Variants in ADTRP observed in about 807,000 individuals in gnomAD.
The protein encoded by ADTRP is androgen-dependent TFPI-regulating protein.
In ADTRP, 20 loss-of-function variants were observed where a neutral mutation model predicts 27.0. The observed-to-expected ratio is 0.74, with a 90% CI of 0.52 to 1.08. The LOEUF is 1.08. ADTRP is among the 50% of genes least tolerant of loss of function. The pLI, the probability that ADTRP is intolerant of heterozygous loss-of-function variation, is 0.00. For missense variants in ADTRP, 251 were observed against 275.0 expected, an observed-to-expected ratio of 0.91 and a Z score of 0.62; for synonymous variants, 101 against 105.2, an observed-to-expected ratio of 0.96 and a Z score of 0.25.
intron 3 of ADTRP, among the ~76,000 whole-genome samples, chr6:11,757,676 G>T (rs563302750): frequency 5.9e-5 from 9 of 152,332 alleles, no homozygotes; most frequent in African/African-American, 2.2e-4. Flanking sequence ...CTGCAAGGAG[G>T]AAGAGGTAAA....
chr6:11,754,932 G>T, intron 3 of ADTRP: 3 of 761,220 alleles, frequency 3.9e-6, no homozygotes, highest in African/African-American at 1.9e-5. Flanking sequence ...TTTCACGTCT[G>T]TCTTGAGATC....
Position 11,778,737 on chromosome 6 carries a change from A to G in ADTRP, c.23T>C (p.Ile8Thr), listed in dbSNP as rs772987550. MTKTSTCIYHFLVLSWYT... is the reference protein window; with the variant it reads MTKTSTCTYHFLVLSWYT... ...CCAGCTCAGAACAAGGAAGTGGTAT[A>G]TGCATGTAGAAGTCTTCGTCATGGC... is the stretch of plus-strand genomic sequence containing the variant. Residue 8 changes from isoleucine (I) to threonine (T), a missense_variant, in exon 1 of 6, where the codon ATA becomes ACA. Physicochemically the swap from Ile to Thr is moderately conservative, Grantham distance 89. Coordinates refer to ENST00000414691, the MANE Select transcript of ADTRP (RefSeq NM_032744.4). 3 of 1,614,206 alleles carry G rather than the reference A, an allele frequency of 1.9e-6. No individual in the cohort carries two copies. The highest frequency in any genetic ancestry group is 1.6e-4 in the Middle Eastern group (1 of 6,062).
chr6:11,749,707 A>C (rs1219075533), intron 3 of ADTRP, among the ~76,000 whole-genome samples: 2 of 152,178 alleles, frequency 1.3e-5, no homozygotes, highest in East Asian at 3.9e-4. Flanking sequence ...GGGGGCAAAA[A>C]CAGGTGCCCA....
intron 3 of ADTRP, among the ~76,000 whole-genome samples, chr6:11,737,796 A>T (rs778776483): frequency 2.0e-5 from 3 of 151,964 alleles, no homozygotes; most frequent in Non-Finnish European, 4.4e-5. Context: ...GCTTTTACAT[A>T]ATTTGCTCAA....
rs199803690 is a variant in ADTRP, at chr6:11,735,664, A to T, written c.410T>A (p.Ile137Asn). The change falls in exon 4 of 6, where the codon ATC becomes AAC. Residue 137 changes from isoleucine to asparagine, a missense_variant. Coordinates refer to ENST00000414691, the MANE Select transcript of ADTRP (RefSeq NM_032744.4). The part of the protein sequence containing the change: ...NHAMHTFIFP[I>N]TLAEVVLRPH... ...CCTGAGGACGACTTCAGCCAATGTG[A>T]TGGGGAATATGAAAGTGTGCTGCAG... 47 of 1,613,448 alleles carry T rather than the reference A, an allele frequency of 2.9e-5. No homozygotes were observed. Among genetic ancestry groups the T allele is most frequent in the Admixed American group, 1.8e-4 (11 of 60,006 alleles).
intron 3 of ADTRP, among the ~76,000 whole-genome samples, chr6:11,763,405 AG>A (rs1442503033): frequency 6.6e-6 from 1 of 152,272 alleles, no homozygotes; most frequent in Non-Finnish European, 1.5e-5. Flanking sequence ...TAGCAAACAC[AG>A]GGAGTGTTGA....
intron 1 of ADTRP, chr6:11,769,971 A>AG: frequency 6.6e-7 from 1 of 1,519,152 alleles, no homozygotes. Flanking sequence ...CAACCTTACG[A>AG]GCCAAGTCCT....
intron 1 of ADTRP, among the ~76,000 whole-genome samples, chr6:11,770,878 C>T (rs1247996079): frequency 1.3e-5 from 2 of 152,178 alleles, no homozygotes; most frequent in African/African-American, 4.8e-5. Context: ...GAAGAGCAGG[C>T]ACAGGCTTGG....
intron 1 of ADTRP, among the ~76,000 whole-genome samples, chr6:11,774,475 T>A (rs181047842): frequency 1.5e-3 from 223 of 152,232 alleles, no homozygotes; most frequent in Non-Finnish European, 2.8e-3. Context: ...AGCTCCTCTG[T>A]TCCCCCAGCC....
chr6:11,760,011 C>T (rs1304081860), intron 3 of ADTRP, among the ~76,000 whole-genome samples: 1 of 152,174 alleles, frequency 6.6e-6, no homozygotes, highest in Non-Finnish European at 1.5e-5. Flanking sequence ...AGAACGAATG[C>T]CACTCTGCTG....
intron 1 of ADTRP, among the ~76,000 whole-genome samples, chr6:11,769,407 G>A (rs1265204698): frequency 1.3e-5 from 2 of 152,144 alleles, no homozygotes; most frequent in Admixed American, 6.6e-5. Flanking sequence ...TCAGCCACAT[G>A]CTGCTCCTGG....
At position 11,773,209 on chromosome 6, in the gene ADTRP, A is replaced by T. The variant is rs562969002; in HGVS notation, c.154-4826T>A. ...CTTTATCTGGAATTAGGAAAAGAAG[A>T]AGTGGAAGAAGATGATGAGGAGAAG... is the stretch of plus-strand genomic sequence containing the variant. On this transcript the variant is annotated intron_variant, in intron 1 of 5. Transcript: ENST00000414691. Among the ~76,000 whole-genome samples the T allele has an allele frequency of 3.3e-5, 5 of 152,264 alleles. No homozygotes were observed. In the South Asian group the frequency reaches 8.3e-4, roughly 25 times the overall value.
chr6:11,755,621 C>T lies in ADTRP; in HGVS notation c.390+10653G>A, dbSNP rs974591185. ...CTGCTTCCTCATCCCAGTTTAGCTT[C>T]TGATTTCACTGTGGCATTTAAGGCA... On this transcript the variant is annotated intron_variant, in intron 3 of 5. Coordinates refer to ENST00000414691, the MANE Select transcript of ADTRP (RefSeq NM_032744.4). Among the ~76,000 whole-genome samples, 7 of 152,336 alleles carry T rather than the reference C, an allele frequency of 4.6e-5. No homozygotes were observed. In the East Asian group the frequency reaches 1.4e-3, roughly 29 times the overall value.
At chr6:11,765,319 G>GTTTTTTTTTTTTTTTTTTTTTTTTTTTT (rs770169717) in intron 3 of ADTRP, among the ~76,000 whole-genome samples, 1 of 112,526 alleles carries the variant, frequency 8.9e-6, no homozygotes, top group Non-Finnish European at 1.8e-5. Context: ...CTTTCCCCTG[G>GTTTTTTTTTTTTTTTTTTTTTTTTTTTT]TTTGTTTTTT....
intron 4 of ADTRP, among the ~76,000 whole-genome samples, chr6:11,729,299 T>A (rs1347675292): frequency 6.6e-6 from 1 of 152,134 alleles, no homozygotes; most frequent in Admixed American, 6.5e-5. Flanking sequence ...TTTACCTAGA[T>A]GTTGAGGTGT....
intron 1 of ADTRP, among the ~76,000 whole-genome samples, chr6:11,773,417 A>G (rs1763850442): frequency 6.6e-6 from 1 of 152,214 alleles, no homozygotes; most frequent in African/African-American, 2.4e-5. Flanking sequence ...GGGGAGGCTA[A>G]GTGCTGGGCA....
At chr6:11,741,859 A>G (rs1444612047) in intron 3 of ADTRP, among the ~76,000 whole-genome samples, 2 of 152,038 alleles carry the variant, frequency 1.3e-5, no homozygotes, top group Non-Finnish European at 2.9e-5. Context: ...CTCTCTGGCA[A>G]TAATAACACC....
At chr6:11,731,469 C>T (rs1408397225) in intron 4 of ADTRP, among the ~76,000 whole-genome samples, 2 of 152,188 alleles carry the variant, frequency 1.3e-5, no homozygotes, top group African/African-American at 2.4e-5. Flanking sequence ...CTATGTCCAA[C>T]ATCCTCTAGT....
chr6:11,764,336 TG>T (rs752703471), intron 3 of ADTRP, among the ~76,000 whole-genome samples: 1 of 151,886 alleles, frequency 6.6e-6, no homozygotes, highest in Non-Finnish European at 1.5e-5. Context: ...AACCCTGAAG[TG>T]GGGGGGAGAT....
Sources: allele counts gnomAD v4.1 joint callset (sites outside exome capture counted in the v4.1 genomes callset), GRCh38; gene constraint gnomAD v4.1.1; transcripts MANE v1.5; gene names NCBI Gene and HGNC (gene_info 2026-07-23, HGNC 2026-07-21).